SPHKAP: variants seen among roughly 807,000 people sequenced by gnomAD.
The protein encoded by SPHKAP is A-kinase anchor protein SPHKAP.
Under a neutral mutation model 137.5 loss-of-function variants are expected in SPHKAP, and 67 were observed. That is an observed-to-expected ratio of 0.49 (90% CI 0.40 to 0.60). The LOEUF is 0.60. Ranked by LOEUF, SPHKAP falls within the 20% of genes least tolerant of loss-of-function variation. The pLI, the probability that SPHKAP is intolerant of heterozygous loss-of-function variation, is 0.00. For missense variants in SPHKAP, 2,097 were observed against 2,069.3 expected (o/e 1.01, Z -0.26); for synonymous variants, 813 against 785.3 (o/e 1.04, Z -0.59).
intron 3 of SPHKAP, among the ~76,000 whole-genome samples, chr2:228,091,797 G>C (rs1200832697): frequency 6.6e-6 from 1 of 152,038 alleles, no homozygotes; most frequent in African/African-American, 2.4e-5. Flanking sequence ...TGGTGAAAAG[G>C]GAACACTACT....
intron 7 of SPHKAP, among the ~76,000 whole-genome samples, chr2:228,000,629 TAATAAA>T (rs1693820821): frequency 4.0e-5 from 6 of 150,104 alleles, no homozygotes; most frequent in Non-Finnish European, 8.8e-5. Flanking sequence ...AAAATAATAA[TAATAAA>T]AATAAAATAA....
intron 3 of SPHKAP, among the ~76,000 whole-genome samples, chr2:228,058,854 G>A (rs1411432341): frequency 6.6e-6 from 1 of 152,076 alleles, no homozygotes; most frequent in East Asian, 1.9e-4. Context: ...AGTTCTATGA[G>A]GTTTTACACT....
chr2:228,137,377 A>G (rs1048205093), intron 1 of SPHKAP, among the ~76,000 whole-genome samples: 10 of 152,340 alleles, frequency 6.6e-5, no homozygotes, highest in African/African-American at 2.4e-4. Context: ...ATTTAATGCT[A>G]AATTTTCTGC....
chr2:228,063,485 A>G (rs1182700427), intron 3 of SPHKAP, among the ~76,000 whole-genome samples: 1 of 152,212 alleles, frequency 6.6e-6, no homozygotes, highest in Non-Finnish European at 1.5e-5. Flanking sequence ...TAGAGTGGCT[A>G]CATTTTGCAA....
intron 3 of SPHKAP, among the ~76,000 whole-genome samples, chr2:228,048,234 C>A (rs185247155): frequency 7.0e-4 from 107 of 151,904 alleles, no homozygotes; most frequent in Non-Finnish European, 1.2e-3. Context: ...TACAGGAGAT[C>A]AACCCTGACG....
chr2:228,108,977 A>T (rs766958786), intron 2 of SPHKAP, 38 bp from the exon 3 acceptor site: 1 of 1,342,430 alleles, frequency 7.4e-7, no homozygotes. Flanking sequence ...TTATTCGGCA[A>T]TCCTTTCTAT....
intron 1 of SPHKAP, among the ~76,000 whole-genome samples, chr2:228,153,114 C>CA (rs797018997): frequency 2.0e-5 from 3 of 152,242 alleles, no homozygotes; most frequent in African/African-American, 7.2e-5. Context: ...TCCCTAGCCA[C>CA]ATGGAACTGT....
intron 2 of SPHKAP, among the ~76,000 whole-genome samples, chr2:228,112,151 C>A (rs1023772562): frequency 6.6e-6 from 1 of 152,078 alleles, no homozygotes; most frequent in Non-Finnish European, 1.5e-5. Flanking sequence ...TTTCTGTGAT[C>A]CCTAGATTTT....
chr2:228,018,456 C>T lies in SPHKAP; in HGVS notation c.2398G>A (p.Val800Met), dbSNP rs749666480. The T allele has an allele frequency of 4.1e-5, 66 of 1,614,044 alleles. No homozygotes were observed. Among genetic ancestry groups the T allele is most frequent in the Non-Finnish European group, 5.5e-5 (65 of 1,180,014 alleles). Residue 800 changes from valine to methionine, a missense_variant, in exon 7 of 12, where the codon GTG becomes ATG. Coordinates refer to ENST00000392056, the MANE Select transcript of SPHKAP (RefSeq NM_001142644.2). ...GGGTTCTTGAAGAGGCCTGGCCTCA[C>T]TCCACCCTTGTCTTGTTTTGAATAC... ...GMYSKQDKGGVRPGLFKNPTL... is the reference protein window; with the variant it reads ...GMYSKQDKGGMRPGLFKNPTL...
intron 1 of SPHKAP, among the ~76,000 whole-genome samples, chr2:228,152,094 T>C (rs1699951482): frequency 1.3e-5 from 2 of 152,334 alleles, no homozygotes; most frequent in East Asian, 1.9e-4. Flanking sequence ...ATGTTTCACA[T>C]GACATTAATC....
chr2:228,136,522 G>C (rs1320519117), intron 1 of SPHKAP, among the ~76,000 whole-genome samples: 1 of 152,152 alleles, frequency 6.6e-6, no homozygotes, highest in African/African-American at 2.4e-5. Flanking sequence ...AAATAGCCTA[G>C]GGAATATCCA....
At chr2:228,099,863 T>C (rs1160542294) in intron 3 of SPHKAP, among the ~76,000 whole-genome samples, 1 of 152,112 alleles carries the variant, frequency 6.6e-6, no homozygotes, top group African/African-American at 2.4e-5. Context: ...TTGTTTGTTT[T>C]TTTTGAGATG....
Position 228,132,082 on chromosome 2 carries a change from G to A in SPHKAP, c.36C>T (p.Asn12=). The change falls in exon 2 of 12, where the codon AAC becomes AAT. Residue 12 remains asparagine, a synonymous_variant. Coordinates refer to ENST00000392056, the MANE Select transcript of SPHKAP (RefSeq NM_001142644.2). ...CGTCATACATCCGTGATGACTCCAA[G>A]TTGCTGTTTGTGACCCAAAACACAA... ...DGNSLLSVPS[N]LESSRMYDVL... is the part of the protein sequence containing the mutation. The A allele has an allele frequency of 6.2e-7, 1 of 1,613,464 alleles. No homozygotes were observed. The highest frequency in any genetic ancestry group is 8.5e-7 in the Non-Finnish European group (1 of 1,179,842).
chr2:228,147,447 C>G (rs1009251408), intron 1 of SPHKAP, among the ~76,000 whole-genome samples: 2 of 152,192 alleles, frequency 1.3e-5, no homozygotes, highest in African/African-American at 4.8e-5. Flanking sequence ...CAATGTATAA[C>G]AGTATCTACA....
At position 228,181,378 on chromosome 2, in the gene SPHKAP, G is replaced by A. The variant is rs1700907208; in HGVS notation, c.32+189C>T. Among the ~76,000 whole-genome samples the A allele has an allele frequency of 6.6e-6, 1 of 152,172 alleles. No individual in the cohort carries two copies. The highest frequency in any genetic ancestry group is 1.9e-4 in the East Asian group (1 of 5,146). On this transcript the variant is annotated intron_variant, in intron 1 of 11. Coordinates refer to ENST00000392056, the MANE Select transcript of SPHKAP (RefSeq NM_001142644.2). This position sits in a 1 kb window ranked among gnomAD's most constrained non-coding sequence, Gnocchi z 4.3. ...CCCACTCAGCATCGCGCCCTGTGGG[G>A]CAGTTGACAGGGTCCCCTGTAGCTC...
intron 3 of SPHKAP, 48 bp downstream of exon 3, chr2:228,108,784 C>G: frequency 1.4e-6 from 2 of 1,395,248 alleles, no homozygotes; most frequent in Non-Finnish European, 2.0e-6. Flanking sequence ...TACATGTGCC[C>G]GCTTCCCTGC....
Position 228,181,247 on chromosome 2 carries a change from A to C in SPHKAP, c.32+320T>G, listed in dbSNP as rs1182901119. Among the ~76,000 whole-genome samples, 2 of 152,128 alleles carry C rather than the reference A, an allele frequency of 1.3e-5. No homozygotes were observed. The highest frequency in any genetic ancestry group is 6.5e-5 in the Admixed American group (1 of 15,278). On this transcript the variant is annotated intron_variant, in intron 1 of 11. Transcript: ENST00000392056. This position sits in a 1 kb window ranked among gnomAD's most constrained non-coding sequence, Gnocchi z 4.3. ...AAACCTCTCCAAGCTGTGTCCGCGG[A>C]AAGTCCGGCTCCTGGCTCCACCTAG...
intron 11 of SPHKAP, among the ~76,000 whole-genome samples, chr2:227,986,546 C>A (rs1172215080): frequency 1.3e-5 from 2 of 152,130 alleles, no homozygotes; most frequent in African/African-American, 2.4e-5. Flanking sequence ...CCAAATACCA[C>A]CTGTTCCCCA....
intron 1 of SPHKAP, among the ~76,000 whole-genome samples, chr2:228,146,718 G>C (rs1177504868): frequency 1.3e-5 from 2 of 152,158 alleles, no homozygotes; most frequent in African/African-American, 4.8e-5. Context: ...GCGTGTTCCC[G>C]CAAAAGACAC....
Sources: gnomAD v4.1 joint callset for allele counts (sites outside exome capture counted in the v4.1 genomes callset) on GRCh38, gnomAD v4.1.1 for gene constraint, Gnocchi (gnomAD v3.1) non-coding constraint, MANE v1.5 for transcripts, NCBI Gene and HGNC (gene_info 2026-07-23, HGNC 2026-07-21) for gene names.